The following CDKAL1 variants were observed in gnomAD, a reference collection of about 807,000 sequenced individuals.
CDKAL1 encodes the protein CDKAL1 threonylcarbamoyladenosine tRNA methylthiotransferase, also known as threonylcarbamoyladenosine tRNA methylthiotransferase.
In CDKAL1, 32 loss-of-function variants were observed where a neutral mutation model predicts 68.2. That is an observed-to-expected ratio of 0.47 (90% CI 0.35 to 0.63). The LOEUF (loss-of-function observed/expected upper bound fraction) is 0.63. CDKAL1 is among the 30% of genes least tolerant of loss of function. The pLI, the probability that CDKAL1 is intolerant of heterozygous loss-of-function variation, is 0.00. For missense variants in CDKAL1, 606 were observed against 696.7 expected (o/e 0.87, Z 1.47); for synonymous variants, 234 against 244.3 (o/e 0.96, Z 0.39).
intron 10 of CDKAL1, among the ~76,000 whole-genome samples, chr6:20,971,922 C>T (rs943263067): frequency 1.3e-5 from 2 of 152,050 alleles, no homozygotes; most frequent in South Asian, 2.1e-4. Flanking sequence ...AAAAAAATAA[C>T]GTGAAAAAAC....
At chr6:20,758,667 C>T (rs1438746207) in intron 7 of CDKAL1, 24 bp downstream of exon 7, 4 of 1,572,130 alleles carry the variant, frequency 2.5e-6, no homozygotes, top group Non-Finnish European at 3.5e-6. Context: ...GTGAGATAAA[C>T]AGATGTATAT....
At chr6:20,876,158 T>C (rs573079767) in intron 9 of CDKAL1, among the ~76,000 whole-genome samples, 2 of 152,372 alleles carry the variant, frequency 1.3e-5, no homozygotes, top group African/African-American at 4.8e-5. Flanking sequence ...CTGGGGTTTT[T>C]GAAGCTGACT....
chr6:20,858,501 A>G (rs1054167075), intron 9 of CDKAL1, among the ~76,000 whole-genome samples: 1 of 152,180 alleles, frequency 6.6e-6, no homozygotes, highest in Admixed American at 6.6e-5. Flanking sequence ...TTTTATCAAC[A>G]TGAATGAAGT....
Position 20,857,261 on chromosome 6 carries a change from G to T in CDKAL1, c.742+11083G>T, listed in dbSNP as rs1025907175. On this transcript the variant is annotated intron_variant, in intron 9 of 15. Transcript: ENST00000274695. ...ACGTCCTCTTAGTTAATCATTTCTG[G>T]TAGTGTGAACAAGAGGGAAACCTGG... Among the ~76,000 whole-genome samples, 6 of 152,220 alleles carry T rather than the reference G, an allele frequency of 3.9e-5. No individual in the cohort carries two copies. In the East Asian group the frequency reaches 9.6e-4, roughly 24 times the overall value.
intron 12 of CDKAL1, among the ~76,000 whole-genome samples, chr6:21,102,515 C>T (rs189104586): frequency 2.0e-5 from 3 of 152,292 alleles, no homozygotes; most frequent in East Asian, 3.9e-4. Flanking sequence ...TTGTTCTCTG[C>T]GTGACTCTCC....
intron 4 of CDKAL1, among the ~76,000 whole-genome samples, chr6:20,613,042 C>T (rs1766698454): frequency 8.8e-6 from 1 of 113,766 alleles, no homozygotes. Flanking sequence ...CACACACACA[C>T]ACAAAGGGTA....
chr6:20,686,021 A>T (rs1189527889), intron 5 of CDKAL1, among the ~76,000 whole-genome samples: 1 of 151,710 alleles, frequency 6.6e-6, no homozygotes, highest in African/African-American at 2.4e-5. Flanking sequence ...TTGGAAAAGC[A>T]GTTGACTTTT....
chr6:20,751,306 A>G (rs943552281), intron 6 of CDKAL1, among the ~76,000 whole-genome samples: 11 of 152,170 alleles, frequency 7.2e-5, no homozygotes, highest in African/African-American at 2.7e-4. Context: ...TAAGGCTGCC[A>G]TAACAAATTA....
At chr6:20,906,207 T>C (rs957295260) in intron 9 of CDKAL1, among the ~76,000 whole-genome samples, 5 of 152,194 alleles carry the variant, frequency 3.3e-5, no homozygotes, top group Admixed American at 2.0e-4. Flanking sequence ...TTGTTTTCTA[T>C]ATAATTTAAG....
chr6:20,681,507 A>G (rs1266653231), intron 5 of CDKAL1, among the ~76,000 whole-genome samples: 1 of 152,184 alleles, frequency 6.6e-6, no homozygotes, highest in African/African-American at 2.4e-5. Flanking sequence ...CTCATCTGTT[A>G]TTTGATAGGA....
At chr6:20,748,204 C>T (rs932311975) in intron 6 of CDKAL1, among the ~76,000 whole-genome samples, 12 of 152,014 alleles carry the variant, frequency 7.9e-5, no homozygotes, top group Non-Finnish European at 7.4e-5. Flanking sequence ...AGTCTAAAGC[C>T]ATTGTGGCTA....
chr6:20,643,331 A>T (rs1768278495), intron 4 of CDKAL1, among the ~76,000 whole-genome samples: 1 of 152,232 alleles, frequency 6.6e-6, no homozygotes, highest in Non-Finnish European at 1.5e-5. Context: ...CTTAGCAGGT[A>T]TTTGCTCTGA....
chr6:20,964,965 C>T (rs1765231545), intron 10 of CDKAL1, among the ~76,000 whole-genome samples: 1 of 152,058 alleles, frequency 6.6e-6, no homozygotes, highest in Non-Finnish European at 1.5e-5. Context: ...CATAGGGATA[C>T]CATGGTTGTC....
chr6:21,013,395 G>A (rs1768126433), intron 11 of CDKAL1, among the ~76,000 whole-genome samples: 1 of 151,408 alleles, frequency 6.6e-6, no homozygotes, highest in African/African-American at 2.4e-5. Flanking sequence ...ACATTTATGT[G>A]GGTACATAGT....
At chr6:20,699,356 CA>C (rs1220865319) in intron 5 of CDKAL1, among the ~76,000 whole-genome samples, 4 of 151,284 alleles carry the variant, frequency 2.6e-5, no homozygotes, top group Non-Finnish European at 5.9e-5. Context: ...AGCAGTGTAG[CA>C]TTATCATCTT....
At chr6:20,734,893 GGAGT>G in intron 5 of CDKAL1, among the ~76,000 whole-genome samples, 2 of 102,764 alleles carry the variant, frequency 1.9e-5, no homozygotes, top group African/African-American at 7.6e-5. Flanking sequence ...TTTTTGAGAT[GGAGT>G]CTCACTGTGT....
chr6:20,741,220 G>C (rs1300167267), intron 6 of CDKAL1, among the ~76,000 whole-genome samples: 4 of 151,884 alleles, frequency 2.6e-5, no homozygotes, highest in Non-Finnish European at 5.9e-5. Flanking sequence ...CTTTGTGTCA[G>C]TCCAATTTTC....
intron 5 of CDKAL1, among the ~76,000 whole-genome samples, chr6:20,662,460 G>A (rs1194282614): frequency 1.3e-5 from 2 of 152,090 alleles, no homozygotes; most frequent in African/African-American, 4.8e-5. Context: ...ATATTTTACT[G>A]TTTTTGTAGC....
intron 4 of CDKAL1, among the ~76,000 whole-genome samples, chr6:20,605,004 G>C (rs550417084): frequency 2.0e-5 from 3 of 152,146 alleles, no homozygotes; most frequent in Non-Finnish European, 2.9e-5. Context: ...TTGGAAGATG[G>C]GGCTGCTTCT....
Sources: allele counts gnomAD v4.1 joint callset (sites outside exome capture counted in the v4.1 genomes callset), GRCh38; gene constraint gnomAD v4.1.1; transcripts MANE v1.5; gene names NCBI Gene and HGNC (gene_info 2026-07-23, HGNC 2026-07-21).